The following RAF1 variants were observed in gnomAD, a reference collection of about 807,000 sequenced individuals.
RAF1 encodes Raf-1 proto-oncogene, serine/threonine kinase.
Under a neutral mutation model 81.1 loss-of-function variants are expected in RAF1, and 27 were observed. The observed-to-expected ratio is 0.33, with a 90% CI of 0.25 to 0.46. The LOEUF (loss-of-function observed/expected upper bound fraction) is 0.46. Ranked by LOEUF, RAF1 falls within the 20% of genes least tolerant of loss-of-function variation. The pLI, the probability that RAF1 is intolerant of heterozygous loss-of-function variation, is 1.00. For synonymous variants in RAF1, 298 were observed against 294.0 expected, an observed-to-expected ratio of 1.01 and a Z score of -0.14; for missense variants, 598 against 826.0, an observed-to-expected ratio of 0.72 and a Z score of 3.38.
chr3:12,642,967 T>C (rs2060239757), intron 1 of RAF1, among the ~76,000 whole-genome samples: 1 of 150,994 alleles, frequency 6.6e-6, no homozygotes, highest in Admixed American at 6.6e-5. Context: ...AGCCAAAGAG[T>C]TTTCTGCTAT....
At chr3:12,646,712 G>A (rs1286939070) in intron 1 of RAF1, among the ~76,000 whole-genome samples, 2 of 151,828 alleles carry the variant, frequency 1.3e-5, no homozygotes, top group South Asian at 2.1e-4. Flanking sequence ...CACCACACCC[G>A]GCTAATTTTT....
At chr3:12,618,302 G>A (rs1262476164) in intron 2 of RAF1, among the ~76,000 whole-genome samples, 1 of 151,828 alleles carries the variant, frequency 6.6e-6, no homozygotes, top group Non-Finnish European at 1.5e-5. Flanking sequence ...AGACATTCCA[G>A]GCAAGAGTAA....
chr3:12,609,896 GATT>G (rs1461705155), intron 3 of RAF1, among the ~76,000 whole-genome samples: 2 of 152,132 alleles, frequency 1.3e-5, no homozygotes, highest in Non-Finnish European at 2.9e-5. Flanking sequence ...CTGTAAAATG[GATT>G]ATAAATATTG....
intron 1 of RAF1, among the ~76,000 whole-genome samples, chr3:12,622,770 A>G (rs1234625939): frequency 6.6e-6 from 1 of 152,268 alleles, no homozygotes; most frequent in Admixed American, 6.5e-5. Context: ...GGGAAAAGCC[A>G]GAATAATGCT....
chr3:12,656,354 C>G (rs895157323), intron 1 of RAF1, among the ~76,000 whole-genome samples: 1 of 151,988 alleles, frequency 6.6e-6, no homozygotes, highest in Non-Finnish European at 1.5e-5. Flanking sequence ...CTAAAGCAGG[C>G]AAATGTCATC....
chr3:12,625,709 C>T (rs1039281787), intron 1 of RAF1, among the ~76,000 whole-genome samples: 2 of 152,070 alleles, frequency 1.3e-5, no homozygotes, highest in Non-Finnish European at 2.9e-5. Context: ...ATATTTACCC[C>T]CAGCTACTTA....
chr3:12,618,392 A>G, intron 2 of RAF1, 123 bp downstream of exon 2: 1 of 1,048,290 alleles, frequency 9.5e-7, no homozygotes, highest in South Asian at 1.4e-5. Flanking sequence ...TGCAGTTAGA[A>G]AAAAAAAAAT....
intron 1 of RAF1, among the ~76,000 whole-genome samples, chr3:12,636,453 A>AAG (rs1271766264): frequency 1.3e-5 from 2 of 150,958 alleles, no homozygotes; most frequent in African/African-American, 2.4e-5. Context: ...TAAAAAAAAA[A>AAG]AAACTGATTG....
rs1432283226 is a variant in RAF1 at position 12,612,414 on chromosome 3, C to T, written c.208-352G>A. On this transcript the variant is annotated intron_variant, in intron 2 of 17. Coordinates refer to ENST00000442415, the MANE Select transcript of RAF1 (RefSeq NM_001354689.3). ...CTGTAATCTCAGCACTTTGGGAAGC[C>T]GAGGCGGGTGGATCACCTGAGGTCA... Among the ~76,000 whole-genome samples, 8 of 151,912 alleles carry T rather than the reference C, an allele frequency of 5.3e-5. No individual in the cohort carries two copies. The South Asian group carries it at 6.2e-4, about 12-fold the overall frequency.
chr3:12,654,127 G>A (rs1313804936), intron 1 of RAF1, among the ~76,000 whole-genome samples: 1 of 151,794 alleles, frequency 6.6e-6, no homozygotes, highest in Non-Finnish European at 1.5e-5. Context: ...AAGTAGCTGG[G>A]ACTACAGGCG....
intron 15 of RAF1, 161 bp from the exon 15 acceptor site, chr3:12,585,414 A>G (rs2125324397): frequency 1.0e-6 from 1 of 985,400 alleles, no homozygotes; most frequent in Non-Finnish European, 1.2e-6. Context: ...GCACTGGTTA[A>G]AACAGCTCAG....
At chr3:12,619,621 A>G (rs2059493038) in intron 1 of RAF1, among the ~76,000 whole-genome samples, 1 of 151,642 alleles carries the variant, frequency 6.6e-6, no homozygotes, top group African/African-American at 2.4e-5. Flanking sequence ...CAAGACTTCT[A>G]GTCTATTACT....
intron 2 of RAF1, among the ~76,000 whole-genome samples, chr3:12,617,736 A>G (rs147693991): frequency 4.9e-4 from 75 of 152,092 alleles, no homozygotes; most frequent in Middle Eastern, 3.4e-3. Flanking sequence ...AAATACAAAA[A>G]ACAAAAATCA....
chr3:12,652,431 G>A (rs368646388), intron 1 of RAF1, among the ~76,000 whole-genome samples: 1 of 151,940 alleles, frequency 6.6e-6, no homozygotes, highest in Non-Finnish European at 1.5e-5. Context: ...TGAGGCAAGA[G>A]AATCACTTGA....
At chr3:12,615,279 G>A (rs1309166336) in intron 2 of RAF1, among the ~76,000 whole-genome samples, 1 of 152,160 alleles carries the variant, frequency 6.6e-6, no homozygotes, top group African/African-American at 2.4e-5. Flanking sequence ...GCAGCAGGAG[G>A]AAGTCAAAGA....
intron 2 of RAF1, among the ~76,000 whole-genome samples, chr3:12,618,051 G>C (rs1027276091): frequency 2.0e-5 from 3 of 152,090 alleles, no homozygotes; most frequent in African/African-American, 7.2e-5. Context: ...TGATTTCTAA[G>C]CTGCCTCCAG....
intron 1 of RAF1, among the ~76,000 whole-genome samples, chr3:12,660,715 G>A (rs543376324): frequency 1.2e-4 from 19 of 152,028 alleles, no homozygotes; most frequent in East Asian, 1.9e-4. Flanking sequence ...AGTGGCTCAC[G>A]CCTGTAATCC....
At chr3:12,606,539 TTTTC>T (rs1360216323) in intron 5 of RAF1, among the ~76,000 whole-genome samples, 4 of 152,024 alleles carry the variant, frequency 2.6e-5, no homozygotes, top group Non-Finnish European at 4.4e-5. Context: ...CCTGTGTGCT[TTTTC>T]TTTTTCTTTT....
intron 11 of RAF1, among the ~76,000 whole-genome samples, chr3:12,593,321 T>C (rs1010688532): frequency 1.3e-5 from 2 of 151,838 alleles, no homozygotes; most frequent in South Asian, 4.2e-4. Context: ...CCTCAAATGA[T>C]CTGCCTGCCT....
Sources: allele counts gnomAD v4.1 joint callset (sites outside exome capture counted in the v4.1 genomes callset), GRCh38; gene constraint gnomAD v4.1.1; transcripts MANE v1.5; gene names NCBI Gene and HGNC (gene_info 2026-07-23, HGNC 2026-07-21).